Variants in TNRC18 observed in about 807,000 individuals in gnomAD.
TNRC18 encodes the protein trinucleotide repeat-containing gene 18 protein.
In TNRC18, 69 loss-of-function variants were observed where a neutral mutation model predicts 226.7. That is an observed-to-expected ratio of 0.30 (90% CI 0.25 to 0.37). The LOEUF (loss-of-function observed/expected upper bound fraction) is 0.37, where lower values mean the gene tolerates loss of function less well. Ranked by LOEUF, TNRC18 falls within the 10% of genes least tolerant of loss-of-function variation. The probability of loss-of-function intolerance (pLI) is 1.00; values close to 1 mark genes in which losing one functional copy is unlikely to be tolerated. For synonymous variants in TNRC18, 2,449 were observed against 1,927.6 expected (o/e 1.27, Z -7.09); for missense variants, 4,754 against 4,256.6 (o/e 1.12, Z -3.25).
chr7:5,310,850 C>T (rs1449887747), intron 27 of TNRC18, among the ~76,000 whole-genome samples: 5 of 152,282 alleles, frequency 3.3e-5, no homozygotes, highest in Non-Finnish European at 7.3e-5. Flanking sequence ...ACTTCTCACA[C>T]TGGGTCCTGC....
At chr7:5,361,750 G>T in intron 13 of TNRC18, 28 bp from the exon 14 acceptor site, 1 of 1,556,002 alleles carries the variant, frequency 6.4e-7, no homozygotes. Flanking sequence ...GCTTGGCTGT[G>T]ACGCTGGGGG....
At chr7:5,314,611 C>T (rs1191942835) in intron 26 of TNRC18, among the ~76,000 whole-genome samples, 2 of 119,708 alleles carry the variant, frequency 1.7e-5, no homozygotes, top group Non-Finnish European at 1.6e-5. Context: ...TCGCTCTTGT[C>T]GCCCAGGCTG....
chr7:5,417,375 T>C (rs1021496834), intron 2 of TNRC18, among the ~76,000 whole-genome samples: 5 of 150,774 alleles, frequency 3.3e-5, no homozygotes, highest in Non-Finnish European at 5.9e-5. Flanking sequence ...GAGGCTGAGG[T>C]AGGAGGATGG....
intron 2 of TNRC18, among the ~76,000 whole-genome samples, chr7:5,411,943 G>C (rs1781869209): frequency 1.3e-5 from 2 of 152,258 alleles, no homozygotes; most frequent in Non-Finnish European, 2.9e-5. Context: ...TCAGCACTTA[G>C]GGAAGTCCAG....
chr7:5,390,437 C>T (rs1241979852), intron 4 of TNRC18, 48 bp downstream of exon 4: 27 of 1,611,170 alleles, frequency 1.7e-5, no homozygotes, highest in Non-Finnish European at 2.3e-5. Flanking sequence ...CCCCAGAAGC[C>T]TCTCAGAAGG....
At chr7:5,392,695 C>T (rs1780387685) in intron 3 of TNRC18, among the ~76,000 whole-genome samples, 1 of 152,022 alleles carries the variant, frequency 6.6e-6, no homozygotes, top group South Asian at 2.1e-4. Flanking sequence ...TCTGCTCTCC[C>T]GTCTGTAAAA....
At chr7:5,403,886 C>T (rs1781283715) in intron 2 of TNRC18, among the ~76,000 whole-genome samples, 1 of 151,986 alleles carries the variant, frequency 6.6e-6, no homozygotes. Context: ...CCAGGAAAGG[C>T]ATTATTCTGG....
chr7:5,378,266 CCTGT>C (rs1188928983), intron 5 of TNRC18, among the ~76,000 whole-genome samples: 2 of 152,206 alleles, frequency 1.3e-5, no homozygotes, highest in African/African-American at 2.4e-5. Context: ...ATCCAAAAGG[CCTGT>C]CTATGTCCCC....
rs751579971 is a variant in TNRC18, at chr7:5,307,572, G to T, written c.*534C>A. On this transcript the variant is annotated 3_prime_UTR_variant, in exon 30 of 30. Coordinates refer to ENST00000430969, the MANE Select transcript of TNRC18 (RefSeq NM_001080495.3). ...CCCCAAGTCTAGGCCATCCTGAGAG[G>T]GTGGGGGCAGGGCCCCTGGCACAGT... is the stretch of plus-strand genomic sequence containing the variant. 1.6e-5 allele frequency: 7 copies of T among 449,532 alleles called. No individual in the cohort carries two copies. Among genetic ancestry groups the T allele is most frequent in the South Asian group, 1.1e-4 (7 of 63,450 alleles). 27.8% of individuals were successfully genotyped at this position (449,532 alleles called of 1,614,324 possible).
rs570156957 is a variant in TNRC18 at position 5,394,648 on chromosome 7, C to G, written c.188-53G>C. The G allele has an allele frequency of 2.1e-6, 3 of 1,430,112 alleles. No individual in the cohort carries two copies. The highest frequency in any genetic ancestry group is 4.7e-5 in the Admixed American group (2 of 42,776). 88.6% of individuals were successfully genotyped at this position (1,430,112 alleles called of 1,614,324 possible). On this transcript the variant is annotated intron_variant, in intron 2 of 29. Coordinates refer to ENST00000430969, the MANE Select transcript of TNRC18 (RefSeq NM_001080495.3). The surrounding 1 kb of genome is among the most constrained non-coding windows in gnomAD (Gnocchi z 4.5). ...AGGCAGACAACCAGGGAGGCGCCGC[C>G]GCCCCAGCCCACCGCCCCGACCCAC...
intron 18 of TNRC18, among the ~76,000 whole-genome samples, chr7:5,336,866 G>C (rs1198145176): frequency 3.3e-5 from 5 of 152,180 alleles, no homozygotes; most frequent in African/African-American, 1.2e-4. Context: ...TATGAGTTTG[G>C]GTGTGGGGGA....
At position 5,324,962 on chromosome 7, in the gene TNRC18, T is replaced by A. The variant is rs928080318; in HGVS notation, c.6300+134A>T. 182 of 1,069,852 alleles carry A rather than the reference T, an allele frequency of 1.7e-4. No homozygotes were observed. The highest frequency in any genetic ancestry group is 2.0e-4 in the Non-Finnish European group (151 of 764,538). 66.3% of individuals were successfully genotyped at this position (1,069,852 alleles called of 1,614,324 possible). A position where few individuals can be genotyped will look rare whatever the true frequency, so the allele number is the denominator to read the frequency against. The stretch of plus-strand genomic sequence containing the variant: ...GAGTGTGGGGACGGCCACATCACCC[T>A]CGTCACCCGCAACCTCTCTGAGCCA... On this transcript the variant is annotated intron_variant, in intron 20 of 29. Coordinates refer to ENST00000430969, the MANE Select transcript of TNRC18 (RefSeq NM_001080495.3). The surrounding 1 kb of genome is among the most constrained non-coding windows in gnomAD (Gnocchi z 4.8).
intron 5 of TNRC18, among the ~76,000 whole-genome samples, chr7:5,383,929 A>C (rs1384038127): frequency 6.8e-6 from 1 of 146,724 alleles, no homozygotes; most frequent in Non-Finnish European, 1.5e-5. Flanking sequence ...AGTAGCTGGG[A>C]CTACAGGCAC....
At chr7:5,329,796 G>T (rs2128124637) in intron 19 of TNRC18, 5 of 385,716 alleles carry the variant, frequency 1.3e-5, no homozygotes, top group South Asian at 1.0e-4. Context: ...TTCAGTTCTG[G>T]CTCCTTAACC....
chr7:5,375,842 G>A (rs543532730), intron 9 of TNRC18, among the ~76,000 whole-genome samples, 192 bp downstream of exon 9: 1 of 152,278 alleles, frequency 6.6e-6, no homozygotes, highest in Non-Finnish European at 1.5e-5. Context: ...CCCTCCGCCT[G>A]GAGAACTCTT....
intron 24 of TNRC18, among the ~76,000 whole-genome samples, chr7:5,317,912 C>T (rs777137029): frequency 6.6e-6 from 1 of 152,046 alleles, no homozygotes; most frequent in Non-Finnish European, 1.5e-5. Flanking sequence ...CTATGTTACC[C>T]AGGCTAGAGT....
At chr7:5,353,165 C>T (rs1390521617) in intron 16 of TNRC18, among the ~76,000 whole-genome samples, 1 of 152,202 alleles carries the variant, frequency 6.6e-6, no homozygotes, top group Non-Finnish European at 1.5e-5. Flanking sequence ...CTCTTGTATG[C>T]TCCAATCTGT....
intron 19 of TNRC18, among the ~76,000 whole-genome samples, chr7:5,327,055 G>A (rs1053837162): frequency 3.3e-5 from 5 of 152,076 alleles, no homozygotes; most frequent in South Asian, 2.1e-4. Context: ...ACCAGGAGAC[G>A]GACGTTACAG....
chr7:5,398,727 C>T (rs1195778633), intron 2 of TNRC18, among the ~76,000 whole-genome samples: 1 of 152,250 alleles, frequency 6.6e-6, no homozygotes, highest in South Asian at 2.1e-4. Flanking sequence ...AATCAATCCT[C>T]CAGCCTCAGC....
Sources: allele counts gnomAD v4.1 joint callset (sites outside exome capture counted in the v4.1 genomes callset), GRCh38; gene constraint gnomAD v4.1.1; non-coding constraint Gnocchi (gnomAD v3.1); transcripts MANE v1.5; gene names NCBI Gene and HGNC (gene_info 2026-07-23, HGNC 2026-07-21).